The following RANBP2 variants were observed in gnomAD, a reference collection of about 807,000 sequenced individuals.
RANBP2 encodes the protein E3 SUMO-protein ligase RanBP2.
Under a neutral mutation model 303.6 loss-of-function variants are expected in RANBP2, and 57 were observed. The observed-to-expected ratio is 0.19, with a 90% confidence interval of 0.15 to 0.23. The LOEUF (loss-of-function observed/expected upper bound fraction) is 0.23, where lower values mean the gene tolerates loss of function less well. Among genes scored for constraint, RANBP2 ranks in the 10% least tolerant of loss-of-function variants. RANBP2 has a pLI of 1.00. For synonymous variants in RANBP2, 1,167 were observed against 1,301.5 expected (o/e 0.90, Z 2.23); for missense variants, 3,138 against 3,780.8 (o/e 0.83, Z 4.46).
chr2:109,695,916 C>T, the RANBP2 span, among the ~76,000 whole-genome samples: 1 of 151,948 alleles, frequency 6.6e-6, no homozygotes, highest in Non-Finnish European at 1.5e-5. Flanking sequence ...CTTCCTTCTC[C>T]TTCAGCTCCT....
chr2:108,908,027 A>C, the RANBP2 span: 1 of 1,605,852 alleles, frequency 6.2e-7, no homozygotes, highest in South Asian at 1.1e-5. Context: ...TCGCTGCAAA[A>C]ACAAGAGCGA....
At chr2:108,866,439 T>C in the RANBP2 span, among the ~76,000 whole-genome samples, 1 of 152,216 alleles carries the variant, frequency 6.6e-6, no homozygotes, top group South Asian at 2.1e-4. Flanking sequence ...CACTAGTCTT[T>C]CATTTTTCTC....
At chr2:108,910,467 T>G in the RANBP2 span, 3 of 1,613,578 alleles carry the variant, frequency 1.9e-6, no homozygotes, top group Non-Finnish European at 2.5e-6. Flanking sequence ...TACCTCTTGG[T>G]GGGCTTTGCT....
the RANBP2 span, among the ~76,000 whole-genome samples, chr2:108,797,475 TGAG>T: frequency 1.3e-5 from 2 of 152,144 alleles, no homozygotes; most frequent in Non-Finnish European, 1.5e-5. Flanking sequence ...TTAAGTGAGT[TGAG>T]GAGTGATTCT....
At chr2:109,286,344 A>G in the RANBP2 span, among the ~76,000 whole-genome samples, 1 of 152,200 alleles carries the variant, frequency 6.6e-6, no homozygotes, top group Non-Finnish European at 1.5e-5. Context: ...TGTGCTGCCC[A>G]CGCAGTGGTC....
chr2:109,275,975 G>A, the RANBP2 span, among the ~76,000 whole-genome samples: 3 of 152,206 alleles, frequency 2.0e-5, no homozygotes, highest in African/African-American at 4.8e-5. Flanking sequence ...GCAGCTGGGT[G>A]AGGGGAGACG....
At chr2:109,581,057 G>A in the RANBP2 span, among the ~76,000 whole-genome samples, 33 of 152,380 alleles carry the variant, frequency 2.2e-4, no homozygotes, top group South Asian at 6.6e-3. Context: ...AAATACCCAT[G>A]ACTACGGCCA....
At chr2:108,965,367 G>A in the RANBP2 span, among the ~76,000 whole-genome samples, 1 of 151,500 alleles carries the variant, frequency 6.6e-6, no homozygotes, top group African/African-American at 2.4e-5. Context: ...TGTAGTCCCA[G>A]CTACTCGGGA....
At chr2:109,393,134 C>T in the RANBP2 span, among the ~76,000 whole-genome samples, 1,108 of 152,350 alleles carry the variant, frequency 7.3e-3, 12 homozygotes, top group East Asian at 0.052. Context: ...GGCCATTCTT[C>T]ATCTGCTCCT....
At chr2:109,739,616 A>AT in the RANBP2 span, among the ~76,000 whole-genome samples, 1 of 152,064 alleles carries the variant, frequency 6.6e-6, no homozygotes, top group Non-Finnish European at 1.5e-5. Context: ...GTTCTATTAG[A>AT]TTTTTGGTGG....
At chr2:109,398,389 T>C in the RANBP2 span, among the ~76,000 whole-genome samples, 1 of 152,204 alleles carries the variant, frequency 6.6e-6, no homozygotes, top group African/African-American at 2.4e-5. Context: ...TCATGGCTCC[T>C]GGGGTTTTTG....
chr2:109,000,273 T>A, the RANBP2 span, among the ~76,000 whole-genome samples: 1 of 152,162 alleles, frequency 6.6e-6, no homozygotes, highest in Non-Finnish European at 1.5e-5. Context: ...ATGTCTGTAA[T>A]CCCAGCACTT....
At chr2:109,450,119 G>A in the RANBP2 span, among the ~76,000 whole-genome samples, 1 of 152,350 alleles carries the variant, frequency 6.6e-6, no homozygotes, top group East Asian at 1.9e-4. Context: ...GCTGAGGCGG[G>A]CGGATCACCT....
chr2:108,989,517 G>A, the RANBP2 span: 2 of 152,064 alleles, frequency 1.3e-5, no homozygotes, highest in African/African-American at 4.8e-5. Context: ...CTTGTTCGTA[G>A]AAGGACCCCC....
chr2:109,369,353 A>AT, the RANBP2 span, among the ~76,000 whole-genome samples: 55 of 152,306 alleles, frequency 3.6e-4, no homozygotes, highest in African/African-American at 1.3e-3. Flanking sequence ...GTCTAAAAAA[A>AT]GAAAAAGAAA....
chr2:108,955,267 T>C, the RANBP2 span, among the ~76,000 whole-genome samples: 15 of 152,228 alleles, frequency 9.9e-5, no homozygotes, highest in African/African-American at 3.4e-4. Context: ...ATAAATTAAA[T>C]GAGATGATGT....
chr2:109,616,660 G>A, the RANBP2 span: 2 of 167,000 alleles, frequency 1.2e-5, no homozygotes, highest in Non-Finnish European at 2.9e-5. Context: ...TATGTGTATT[G>A]TAAGTAGCAG....
the RANBP2 span, chr2:108,923,318 G>A: frequency 0.079 from 123,627 of 1,560,932 alleles, 6,041 homozygotes; most frequent in African/African-American, 0.18. Flanking sequence ...GTAGTGAAAG[G>A]GATCCGTGCT....
the RANBP2 span, among the ~76,000 whole-genome samples, chr2:108,936,088 C>G: frequency 1.3e-5 from 2 of 152,348 alleles, no homozygotes; most frequent in East Asian, 3.9e-4. Flanking sequence ...GATGGTCCAG[C>G]CTCCGGGACT....
Sources: gnomAD v4.1 joint callset for allele counts (sites outside exome capture counted in the v4.1 genomes callset) on GRCh38, gnomAD v4.1.1 for gene constraint, MANE v1.5 for transcripts, NCBI Gene and HGNC (gene_info 2026-07-23, HGNC 2026-07-21) for gene names.